Variants in PTPN21 observed in about 807,000 individuals in gnomAD.
PTPN21 encodes the protein tyrosine-protein phosphatase non-receptor type 21.
In PTPN21, 77 loss-of-function variants were observed where a neutral mutation model predicts 131.8. The observed-to-expected ratio is 0.58, with a 90% CI of 0.49 to 0.71. The LOEUF (loss-of-function observed/expected upper bound fraction) is 0.71, where lower values mean the gene tolerates loss of function less well. PTPN21 is among the 30% of genes least tolerant of loss of function. The pLI, the probability that PTPN21 is intolerant of heterozygous loss-of-function variation, is 0.00. For synonymous variants in PTPN21, 715 were observed against 621.3 expected, an observed-to-expected ratio of 1.15 and a Z score of -2.24; for missense variants, 1,552 against 1,527.1, an observed-to-expected ratio of 1.02 and a Z score of -0.27.
chr14:88,546,603 T>G (rs530569716), intron 2 of PTPN21, among the ~76,000 whole-genome samples: 20 of 150,584 alleles, frequency 1.3e-4, no homozygotes, highest in African/African-American at 4.6e-4. Flanking sequence ...AAATTGTCAT[T>G]ATAGAAGTGA....
At chr14:88,547,991 C>T (rs146979227) in intron 2 of PTPN21, among the ~76,000 whole-genome samples, 242 of 152,278 alleles carry the variant, frequency 1.6e-3, no homozygotes, top group Middle Eastern at 3.4e-3. Flanking sequence ...ACCACACGCT[C>T]CTCCTTGCCC....
chr14:88,516,969 C>G (rs895708000), intron 3 of PTPN21, 123 bp downstream of exon 3: 1 of 1,096,756 alleles, frequency 9.1e-7, no homozygotes, highest in Non-Finnish European at 1.3e-6. Flanking sequence ...TTTGTAACAC[C>G]GTGGCTAAAA....
At chr14:88,550,793 C>T (rs1595426772) in intron 1 of PTPN21, among the ~76,000 whole-genome samples, 174 bp from the exon 2 acceptor site, 1 of 152,172 alleles carries the variant, frequency 6.6e-6, no homozygotes, top group Non-Finnish European at 1.5e-5. Context: ...GTGCTAGGCT[C>T]AGGGTCAGAC....
chr14:88,550,695 C>G, intron 1 of PTPN21, 76 bp from the exon 2 acceptor site: 1 of 312,638 alleles, frequency 3.2e-6, no homozygotes, highest in Non-Finnish European at 5.9e-6. Flanking sequence ...GCCAGTCAAG[C>G]TGTGGCCAAA....
chr14:88,473,673 C>T lies in PTPN21; in HGVS notation c.2641G>A (p.Asp881Asn), dbSNP rs1595342164. The change falls in exon 14 of 19, where the codon GAT (aspartate) becomes AAT (asparagine). Residue 881 changes from aspartate to asparagine, a missense_variant. This residue lies in a region of PTPN21 where 316 missense variants were observed against 378.5 expected (regional missense o/e 0.83). Transcript: ENST00000556564. ...GKEVATRATNDERCKILEQRL... is the reference protein window; with the variant it reads ...GKEVATRATNNERCKILEQRL... The stretch of plus-strand genomic sequence containing the variant: ...GTGTGTCCCATACATACCCTTTCAT[C>T]ATTCGTTGCTCTGGTAGCCACTTCC... 1 of 1,612,912 alleles carries T rather than the reference C, an allele frequency of 6.2e-7. No homozygotes were observed. The highest frequency in any genetic ancestry group is 1.7e-5 in the Admixed American group (1 of 59,674).
intron 2 of PTPN21, among the ~76,000 whole-genome samples, chr14:88,533,310 A>G (rs1203472414): frequency 2.6e-5 from 4 of 152,210 alleles, no homozygotes; most frequent in African/African-American, 9.6e-5. Context: ...TGTTTTAGTC[A>G]ACGACAGACC....
At position 88,466,903 on chromosome 14, in the gene PTPN21, AC is replaced by A. The variant is rs2077372931; in HGVS notation, c.*1233del. 1 of 152,234 alleles carries A rather than the reference AC, an allele frequency of 6.6e-6. No homozygotes were observed. The highest frequency in any genetic ancestry group is 1.5e-5 in the Non-Finnish European group (1 of 68,042). 9.4% of individuals were successfully genotyped at this position (152,234 alleles called of 1,614,324 possible). On this transcript the variant is annotated 3_prime_UTR_variant, in exon 19 of 19. Transcript: ENST00000556564. ...CCTTCCTTCAACCAAAAGGAAAAAT[AC>A]GCCTCTTTAAGGCTTCTTTTAATGA... is the stretch of plus-strand genomic sequence containing the variant.
chr14:88,497,734 G>A (rs537729415), intron 8 of PTPN21, among the ~76,000 whole-genome samples: 65 of 151,978 alleles, frequency 4.3e-4, no homozygotes, highest in Admixed American at 2.0e-3. Flanking sequence ...AGCCGAGATC[G>A]CACCACTGCA....
At chr14:88,481,808 T>C (rs2077656701) in intron 12 of PTPN21, among the ~76,000 whole-genome samples, 2 of 152,176 alleles carry the variant, frequency 1.3e-5, no homozygotes, top group African/African-American at 2.4e-5. Flanking sequence ...GTGAGGTCTC[T>C]CCACCTCTCA....
At chr14:88,549,399 G>A (rs1000376591) in intron 2 of PTPN21, among the ~76,000 whole-genome samples, 7 of 152,138 alleles carry the variant, frequency 4.6e-5, no homozygotes, top group Non-Finnish European at 7.3e-5. Context: ...CTTAGAGGGG[G>A]AATATAAACA....
chr14:88,514,833 G>C (rs552841383), intron 3 of PTPN21, among the ~76,000 whole-genome samples: 2 of 151,976 alleles, frequency 1.3e-5, no homozygotes, highest in Non-Finnish European at 2.9e-5. Context: ...GGTATAATTG[G>C]CATACGAATA....
chr14:88,550,750 C>T, intron 1 of PTPN21, 131 bp from the exon 2 acceptor site: 1 of 232,288 alleles, frequency 4.3e-6, no homozygotes, highest in Non-Finnish European at 8.5e-6. Context: ...CTAACAGGAC[C>T]CGGAAGGCAG....
rs758036119 is a variant in PTPN21, at chr14:88,508,142, TTGTG to T, written c.351-126_351-123del. 1.2e-5 allele frequency: 6 copies of T among 484,564 alleles called. No individual in the cohort carries two copies. In the African/African-American group the frequency reaches 1.4e-4, roughly 11 times the overall value. The allele number at this position is 484,564 out of a possible 1,614,324, so 30.0% of individuals were successfully genotyped here. On this transcript the variant is annotated intron_variant, in intron 3 of 18. Transcript: ENST00000556564. Reference sequence around the variant, plus strand: ...GAAATAAAACCTTAATCCCACATGGTTGTGTGTGTTTTTTTTTTTTTTTTTAGAT... The same window carrying T: ...GAAATAAAACCTTAATCCCACATGGTTGTGTTTTTTTTTTTTTTTTTAGAT...
At chr14:88,507,072 TAAG>T (rs918172168) in intron 4 of PTPN21, among the ~76,000 whole-genome samples, 146 of 151,718 alleles carry the variant, frequency 9.6e-4, no homozygotes, top group African/African-American at 3.3e-3. Flanking sequence ...ACTAAATAAA[TAAG>T]AAGAACTTAT....
Position 88,469,458 on chromosome 14 carries a change from C to T in PTPN21, c.3235+41G>A. 6.7e-7 allele frequency: 1 copy of T among 1,501,116 alleles called. No homozygotes were observed. Among genetic ancestry groups the T allele is most frequent in the Non-Finnish European group, 9.3e-7 (1 of 1,078,154 alleles). 93.0% of individuals were successfully genotyped at this position (1,501,116 alleles called of 1,614,324 possible). On this transcript the variant is annotated intron_variant, in intron 17 of 18. Coordinates refer to ENST00000556564, the MANE Select transcript of PTPN21 (RefSeq NM_007039.4). This position sits in a 1 kb window ranked among gnomAD's most constrained non-coding sequence, Gnocchi z 4.3. ...AAATGTTCCTCTCTGTTTAACACCT[C>T]CAGAGGCAGCTGTCCTCGGAACAAA...
chr14:88,479,659 TTGC>T lies in PTPN21; in HGVS notation c.1769_1771del (p.Ser590del). 1 of 1,530,294 alleles carries T rather than the reference TTGC, an allele frequency of 6.5e-7. No individual in the cohort carries two copies. Among genetic ancestry groups the T allele is most frequent in the Non-Finnish European group, 8.7e-7 (1 of 1,144,076 alleles). 94.8% of individuals were successfully genotyped at this position (1,530,294 alleles called of 1,614,324 possible). ...CACGCGCCGCGTGATGAGGTCGGGG[TTGC>T]TGCTGCTGATGTAAAGGTGGCGGGA... On this transcript the variant is annotated inframe_deletion, in exon 13 of 19. Coordinates refer to ENST00000556564, the MANE Select transcript of PTPN21 (RefSeq NM_007039.4).
At chr14:88,512,323 T>C (rs1359263041) in intron 3 of PTPN21, 1 of 152,228 alleles carries the variant, frequency 6.6e-6, no homozygotes, top group Admixed American at 6.5e-5. Flanking sequence ...ACCTGATTCA[T>C]ATGCAATTTT....
chr14:88,541,392 T>C (rs969110942), intron 2 of PTPN21, among the ~76,000 whole-genome samples: 1 of 152,228 alleles, frequency 6.6e-6, no homozygotes, highest in Non-Finnish European at 1.5e-5. Context: ...AAAAGAATGA[T>C]GAATCCTTGT....
intron 15 of PTPN21, chr14:88,470,264 T>C (rs1047432254): frequency 5.3e-6 from 3 of 570,872 alleles, no homozygotes; most frequent in Admixed American, 3.1e-5. Context: ...ACTTAGGTAC[T>C]GTGAATATAC....
Sources: allele counts gnomAD v4.1 joint callset (sites outside exome capture counted in the v4.1 genomes callset), GRCh38; gene constraint gnomAD v4.1.1; regional missense constraint gnomAD v4.1.1; non-coding constraint Gnocchi (gnomAD v3.1); transcripts MANE v1.5; gene names NCBI Gene and HGNC (gene_info 2026-07-23, HGNC 2026-07-21).